Variants in RBMS3 observed in about 807,000 individuals in gnomAD.
The protein encoded by RBMS3 is RNA-binding motif, single-stranded-interacting protein 3.
Under a neutral mutation model 66.8 loss-of-function variants are expected in RBMS3, and 27 were observed. The ratio of observed to expected loss-of-function variants is 0.40; its 90% CI spans 0.30 to 0.56. RBMS3 has a LOEUF of 0.56. RBMS3 is among the 20% of genes least tolerant of loss of function. RBMS3 has a pLI of 0.40. For synonymous variants in RBMS3, 188 were observed against 183.0 expected (o/e 1.03, Z -0.22); for missense variants, 513 against 549.5 (o/e 0.93, Z 0.66).
intron 12 of RBMS3, among the ~76,000 whole-genome samples, chr3:29,949,875 C>T (rs1412709779): frequency 6.6e-6 from 1 of 151,574 alleles, no homozygotes. Flanking sequence ...CCTTTAGAAT[C>T]CTATACTTTT....
chr3:29,886,858 A>C (rs1264884963), intron 8 of RBMS3, among the ~76,000 whole-genome samples: 1 of 151,700 alleles, frequency 6.6e-6, no homozygotes, highest in African/African-American at 2.4e-5. Flanking sequence ...CCAATGTATG[A>C]ATGGAAGAAA....
chr3:29,383,304 G>A (rs754071041), intron 1 of RBMS3, among the ~76,000 whole-genome samples: 20 of 152,256 alleles, frequency 1.3e-4, no homozygotes, highest in Non-Finnish European at 1.3e-4. Flanking sequence ...GGTTTCTCTC[G>A]TCACTTGTCT....
intron 3 of RBMS3, among the ~76,000 whole-genome samples, chr3:29,550,724 T>G (rs533793555): frequency 6.6e-6 from 1 of 152,298 alleles, no homozygotes; most frequent in African/African-American, 2.4e-5. Flanking sequence ...ATCTGAAATT[T>G]AAGTTTAAAT....
chr3:29,586,218 T>C (rs1408098413), intron 3 of RBMS3, among the ~76,000 whole-genome samples: 1 of 152,116 alleles, frequency 6.6e-6, no homozygotes. Flanking sequence ...AGCATTTATA[T>C]TTCAAAATAT....
chr3:29,337,647 A>C (rs1357179577), intron 1 of RBMS3, among the ~76,000 whole-genome samples: 1 of 152,084 alleles, frequency 6.6e-6, no homozygotes, highest in Non-Finnish European at 1.5e-5. Context: ...ACCTGTGTCT[A>C]ATTTTAAAAA....
At chr3:29,930,279 T>A (rs2061084378) in intron 10 of RBMS3, among the ~76,000 whole-genome samples, 1 of 151,190 alleles carries the variant, frequency 6.6e-6, no homozygotes, top group Non-Finnish European at 1.5e-5. Context: ...GCCTGGCTAA[T>A]TTTTTCTATT....
chr3:29,311,084 T>C (rs1272520362), intron 1 of RBMS3, among the ~76,000 whole-genome samples: 1 of 151,790 alleles, frequency 6.6e-6, no homozygotes, highest in Non-Finnish European at 1.5e-5. Flanking sequence ...GGCATTTCTT[T>C]TCAAATCACA....
intron 6 of RBMS3, among the ~76,000 whole-genome samples, chr3:29,792,434 TCACTGAATTTTCTAG>T (rs1399243490): frequency 6.6e-6 from 1 of 152,156 alleles, no homozygotes; most frequent in African/African-American, 2.4e-5. Context: ...CCTCTGAAAC[TCACTGAATTTTCTAG>T]CCTTGTCATC....
chr3:29,784,221 C>T lies in RBMS3; in HGVS notation c.637+21232C>T, dbSNP rs546994054. Among the ~76,000 whole-genome samples, 10 of 152,182 alleles carry T rather than the reference C, an allele frequency of 6.6e-5. No individual in the cohort carries two copies. The East Asian group carries it at 1.9e-3, about 29-fold the overall frequency. On this transcript the variant is annotated intron_variant, in intron 6 of 14. Transcript: ENST00000383767. ...ATTTAACAGATATTTTCAGAACATTCTACCGAACAACTGCAGAATATACAT... is the reference window on the plus strand; with the variant it reads ...ATTTAACAGATATTTTCAGAACATTTTACCGAACAACTGCAGAATATACAT...
chr3:29,518,010 C>G (rs2044710751), intron 3 of RBMS3, among the ~76,000 whole-genome samples: 1 of 152,130 alleles, frequency 6.6e-6, no homozygotes, highest in African/African-American at 2.4e-5. Flanking sequence ...GCTAAAAAGG[C>G]AAAAAGTAGG....
chr3:29,930,846 T>C (rs2061102605), intron 10 of RBMS3, among the ~76,000 whole-genome samples: 1 of 152,142 alleles, frequency 6.6e-6, no homozygotes, highest in Non-Finnish European at 1.5e-5. Context: ...TGCGCATGTG[T>C]GAGTTGAACT....
At chr3:29,823,643 T>G (rs1288116156) in intron 6 of RBMS3, among the ~76,000 whole-genome samples, 1 of 152,186 alleles carries the variant, frequency 6.6e-6, no homozygotes, top group Non-Finnish European at 1.5e-5. Context: ...GTGTGGCTAG[T>G]GTGGCTGAGG....
intron 8 of RBMS3, among the ~76,000 whole-genome samples, chr3:29,894,238 T>A (rs1316997716): frequency 1.3e-5 from 2 of 151,568 alleles, no homozygotes; most frequent in Non-Finnish European, 3.0e-5. Flanking sequence ...GTTTGTTTTT[T>A]GAGAAAAGGT....
intron 1 of RBMS3, among the ~76,000 whole-genome samples, chr3:29,411,863 C>T (rs1174451143): frequency 6.6e-6 from 1 of 152,122 alleles, no homozygotes; most frequent in Non-Finnish European, 1.5e-5. Context: ...ATACACAAAA[C>T]TGATGTGAAG....
intron 6 of RBMS3, among the ~76,000 whole-genome samples, chr3:29,839,742 C>G (rs1339228123): frequency 6.6e-6 from 1 of 151,720 alleles, no homozygotes; most frequent in African/African-American, 2.4e-5. Flanking sequence ...AGTCATTGGT[C>G]TCAGCAGTAG....
chr3:29,789,702 G>A (rs2056937662), intron 6 of RBMS3, among the ~76,000 whole-genome samples: 3 of 151,906 alleles, frequency 2.0e-5, no homozygotes, highest in Admixed American at 2.0e-4. Context: ...TAATATTTCT[G>A]GCTTTTTTGC....
chr3:29,684,194 T>C (rs2051616445), intron 4 of RBMS3, among the ~76,000 whole-genome samples: 1 of 152,212 alleles, frequency 6.6e-6, no homozygotes, highest in Admixed American at 6.5e-5. Flanking sequence ...GTTATGGTGT[T>C]GTACTGGGAG....
intron 6 of RBMS3, among the ~76,000 whole-genome samples, chr3:29,829,870 G>GTGA: frequency 6.6e-6 from 1 of 152,078 alleles, no homozygotes; most frequent in Non-Finnish European, 1.5e-5. Flanking sequence ...CTGCATTGCA[G>GTGA]TCCCATTTCT....
At chr3:29,853,515 C>T (rs1559739302) in intron 6 of RBMS3, among the ~76,000 whole-genome samples, 1 of 146,884 alleles carries the variant, frequency 6.8e-6, no homozygotes, top group Non-Finnish European at 1.5e-5. Flanking sequence ...AGTGGGTAGC[C>T]GTTGCCAGCT....
Sources: allele counts gnomAD v4.1 joint callset (sites outside exome capture counted in the v4.1 genomes callset), GRCh38; gene constraint gnomAD v4.1.1; transcripts MANE v1.5; gene names NCBI Gene and HGNC (gene_info 2026-07-23, HGNC 2026-07-21).